Variants in FOXK2 observed in about 807,000 individuals in gnomAD.
FOXK2 encodes the protein forkhead box K2, also known as forkhead box protein K2.
FOXK2 carries 24 observed loss-of-function variants against 53.3 expected under a neutral mutation model. The ratio of observed to expected loss-of-function variants is 0.45; its 90% CI spans 0.33 to 0.63. The LOEUF (loss-of-function observed/expected upper bound fraction) is 0.63. FOXK2 is among the 30% of genes least tolerant of loss of function. The pLI is 0.03. For synonymous variants in FOXK2, 505 were observed against 407.1 expected (o/e 1.24, Z -2.89); for missense variants, 952 against 910.5 (o/e 1.05, Z -0.59).
intron 1 of FOXK2, among the ~76,000 whole-genome samples, chr17:82,530,218 C>T (rs76195156): frequency 0.044 from 6,629 of 152,166 alleles, 207 homozygotes; most frequent in South Asian, 0.093. Flanking sequence ...AGGCCGGGCA[C>T]GTTGGGTCAC....
intron 4 of FOXK2, among the ~76,000 whole-genome samples, chr17:82,572,871 A>G (rs1022430854): frequency 2.0e-5 from 3 of 152,154 alleles, no homozygotes; most frequent in African/African-American, 7.2e-5. Flanking sequence ...TGTTTTAACC[A>G]CAGATGTATA....
intron 7 of FOXK2, among the ~76,000 whole-genome samples, chr17:82,586,807 G>A (rs9896512): frequency 0.028 from 4,291 of 152,076 alleles, 116 homozygotes; most frequent in African/African-American, 0.068. Context: ...AGGCTGAGGC[G>A]GGAGAATCAC....
At chr17:82,522,233 C>T (rs544728537) in intron 1 of FOXK2, among the ~76,000 whole-genome samples, 10 of 151,994 alleles carry the variant, frequency 6.6e-5, no homozygotes, top group African/African-American at 2.4e-4. Context: ...AGCGATCCTC[C>T]TGCCCCAGTG....
intron 6 of FOXK2, 23 bp downstream of exon 6, chr17:82,584,211 G>A (rs1289783045): frequency 9.6e-6 from 15 of 1,568,736 alleles, no homozygotes; most frequent in South Asian, 4.6e-5. Flanking sequence ...GAGAGGAAGC[G>A]AGGGCCCCAA....
intron 1 of FOXK2, among the ~76,000 whole-genome samples, chr17:82,520,578 G>A (rs961882441): frequency 2.6e-5 from 4 of 152,242 alleles, no homozygotes; most frequent in Non-Finnish European, 5.9e-5. Flanking sequence ...CTGCGCGCGC[G>A]GGTCAAGGTT....
At chr17:82,526,837 A>G (rs1330777511) in intron 1 of FOXK2, among the ~76,000 whole-genome samples, 1 of 152,032 alleles carries the variant, frequency 6.6e-6, no homozygotes, top group African/African-American at 2.4e-5. Context: ...TCTCAAAAAA[A>G]AAAAAAAAAG....
intron 2 of FOXK2, among the ~76,000 whole-genome samples, chr17:82,565,010 G>A (rs908648056): frequency 6.6e-6 from 1 of 151,956 alleles, no homozygotes; most frequent in Non-Finnish European, 1.5e-5. Context: ...GATTACAGGC[G>A]TGAGCCACCA....
At chr17:82,540,856 C>A (rs762971223) in intron 1 of FOXK2, among the ~76,000 whole-genome samples, 2 of 152,186 alleles carry the variant, frequency 1.3e-5, no homozygotes, top group Non-Finnish European at 2.9e-5. Context: ...TTTTTCCCAG[C>A]GCATCACACC....
chr17:82,592,918 A>G (rs1018773713), intron 8 of FOXK2, among the ~76,000 whole-genome samples: 48 of 148,182 alleles, frequency 3.2e-4, no homozygotes, highest in Non-Finnish European at 6.8e-4. Context: ...TCTTATTCTG[A>G]AAGTAGACCC....
chr17:82,522,860 T>G (rs1001613425), intron 1 of FOXK2, among the ~76,000 whole-genome samples: 1 of 152,188 alleles, frequency 6.6e-6, no homozygotes, highest in African/African-American at 2.4e-5. Context: ...AATGGCGTGA[T>G]CTTGGCTTGC....
At chr17:82,532,295 A>G (rs2044479621) in intron 1 of FOXK2, among the ~76,000 whole-genome samples, 1 of 151,126 alleles carries the variant, frequency 6.6e-6, no homozygotes, top group African/African-American at 2.4e-5. Context: ...CCAGCACCCG[A>G]GACCAGCCCA....
At position 82,521,774 on chromosome 17, in the gene FOXK2, C is replaced by CAAAAA. The variant is rs768862024; in HGVS notation, c.419+1479_419+1483dup. On this transcript the variant is annotated intron_variant, in intron 1 of 8. Coordinates refer to ENST00000335255, the MANE Select transcript of FOXK2 (RefSeq NM_004514.4). ...GTGAAACCCGTCTCTACTAAAAATA[C>CAAAAA]AAAAAAAAAAAAAAAATTAGCCGGG... Among the ~76,000 whole-genome samples the CAAAAA allele has an allele frequency of 1.2e-3, 138 of 116,528 alleles. 2 individuals are homozygous for CAAAAA. The highest frequency in any genetic ancestry group is 4.2e-3 in the African/African-American group (133 of 31,298). The allele number at this position is 116,528 out of a possible 152,430, so 76.4% of individuals were successfully genotyped here. A position where few individuals can be genotyped will look rare whatever the true frequency, so the allele number is the denominator to read the frequency against.
chr17:82,573,566 A>T (rs894601244), intron 4 of FOXK2, among the ~76,000 whole-genome samples: 251 of 59,432 alleles, frequency 4.2e-3, no homozygotes, highest in African/African-American at 0.01. Context: ...TCTCTCTCAC[A>T]CACACACACA....
chr17:82,587,457 T>C, intron 8 of FOXK2, 185 bp downstream of exon 8: 1 of 612,448 alleles, frequency 1.6e-6, no homozygotes, highest in Non-Finnish European at 2.9e-6. Context: ...GTCATGGGAT[T>C]CCCGTGGGAG....
chr17:82,556,158 C>T (rs2044722510), intron 1 of FOXK2, among the ~76,000 whole-genome samples: 1 of 151,984 alleles, frequency 6.6e-6, no homozygotes, highest in Non-Finnish European at 1.5e-5. Flanking sequence ...GAAGAAAAAG[C>T]AAGTTGGCCG....
chr17:82,595,717 TC>T, intron 8 of FOXK2: 1 of 1,250,304 alleles, frequency 8.0e-7, no homozygotes, highest in Non-Finnish European at 1.0e-6. Flanking sequence ...GTGTCACTAT[TC>T]CCTGGGCCCT....
At chr17:82,587,029 A>T in intron 7 of FOXK2, 34 bp from the exon 8 acceptor site, 1 of 1,590,090 alleles carries the variant, frequency 6.3e-7, no homozygotes, top group Non-Finnish European at 8.6e-7. Flanking sequence ...GCTTTCCAGT[A>T]ATATTAATGT....
chr17:82,520,880 C>T (rs1285982557), intron 1 of FOXK2, among the ~76,000 whole-genome samples: 2 of 152,130 alleles, frequency 1.3e-5, no homozygotes, highest in African/African-American at 4.8e-5. Context: ...GATGGATTTT[C>T]AATCTGTGCT....
At chr17:82,587,933 C>T (rs1333059270) in intron 8 of FOXK2, among the ~76,000 whole-genome samples, 2 of 152,154 alleles carry the variant, frequency 1.3e-5, no homozygotes, top group South Asian at 2.1e-4. Flanking sequence ...CTGGCGCTTG[C>T]GGGATCTCAA....
Sources: gnomAD v4.1 joint callset for allele counts (sites outside exome capture counted in the v4.1 genomes callset) on GRCh38, gnomAD v4.1.1 for gene constraint, MANE v1.5 for transcripts, NCBI Gene and HGNC (gene_info 2026-07-23, HGNC 2026-07-21) for gene names.